The following GATA6 variants were observed in gnomAD, a reference collection of about 807,000 sequenced individuals.
GATA6 encodes the protein transcription factor GATA-6.
In GATA6, 11 loss-of-function variants were observed where a neutral mutation model predicts 48.1. That is an observed-to-expected ratio of 0.23 (90% CI 0.14 to 0.38). GATA6 has a LOEUF of 0.38. GATA6 is among the 10% of genes least tolerant of loss of function. The probability of loss-of-function intolerance (pLI) is 1.00; values close to 1 mark genes in which losing one functional copy is unlikely to be tolerated. For missense variants in GATA6, 795 were observed against 850.3 expected (o/e 0.93, Z 0.81); for synonymous variants, 419 against 396.1 (o/e 1.06, Z -0.69).
chr18:22,177,125 AGT>A lies in GATA6; in HGVS notation c.1302+8_1302+9del. 1 of 1,545,390 alleles carries A rather than the reference AGT, an allele frequency of 6.5e-7. No individual in the cohort carries two copies. The highest frequency in any genetic ancestry group is 8.7e-7 in the Non-Finnish European group (1 of 1,146,018). On this transcript the variant is annotated splice_donor_5th_base_variant and intron_variant, in intron 3 of 6. Transcript: ENST00000269216. ...CATCAAGCCGCAGAAGCGCGTGGTGAGTGTGACCCGCCCTGCCCCTGGCTCGC... is the reference window on the plus strand; with the variant it reads ...CATCAAGCCGCAGAAGCGCGTGGTGAGTGACCCGCCCTGCCCCTGGCTCGC...
rs2033196313 is a variant in GATA6 at position 22,181,575 on chromosome 18, T to C, written c.1425T>C (p.His475=). 1.9e-6 allele frequency: 3 copies of C among 1,614,188 alleles called. No individual in the cohort carries two copies. The highest frequency in any genetic ancestry group is 2.5e-6 in the Non-Finnish European group (3 of 1,180,010). The change falls in exon 4 of 7, where the codon CAT becomes CAC. Residue 475 remains histidine (H), a synonymous_variant. Transcript: ENST00000269216. Reference sequence around the variant, plus strand: ...CTTGTGGACTCTACATGAAACTCCATGGGGTATGCCATGTATTCTGCTCAC... The same window carrying C: ...CTTGTGGACTCTACATGAAACTCCACGGGGTATGCCATGTATTCTGCTCAC... The part of the protein sequence containing the change: ...CNACGLYMKL[H]GVPRPLAMKK...
rs560032230 is a variant in GATA6, at chr18:22,170,375, G to C, written c.-38+693G>C. Among the ~76,000 whole-genome samples the C allele has an allele frequency of 1.3e-5, 2 of 152,332 alleles. No individual in the cohort carries two copies. The highest frequency in any genetic ancestry group is 4.8e-5 in the African/African-American group (2 of 41,588). On this transcript the variant is annotated intron_variant, in intron 1 of 6. Coordinates refer to ENST00000269216, the MANE Select transcript of GATA6 (RefSeq NM_005257.6). The surrounding 1 kb of genome is among the most constrained non-coding windows in gnomAD (Gnocchi z 6.7). ...TGTCTAAGGTGTGCGGCGCCGCGGGGACGCCGGTGGGGCTGGCGATTCCCG... is the reference window on the plus strand; with the variant it reads ...TGTCTAAGGTGTGCGGCGCCGCGGGCACGCCGGTGGGGCTGGCGATTCCCG...
At chr18:22,176,663 T>TCCCCA (rs2033125104) in intron 2 of GATA6, 1 of 351,652 alleles carries the variant, frequency 2.8e-6, no homozygotes, top group Non-Finnish European at 5.2e-6. Context: ...CAAGCCGACC[T>TCCCCA]CCCCACCGCT....
At chr18:22,176,036 A>C (rs906790145) in intron 2 of GATA6, among the ~76,000 whole-genome samples, 1 of 152,158 alleles carries the variant, frequency 6.6e-6, no homozygotes, top group Non-Finnish European at 1.5e-5. Context: ...ATTTACTCTT[A>C]ATTAGGATTT....
rs1391973798 is a variant in GATA6, at chr18:22,201,532, AT to A, written c.*715del. On this transcript the variant is annotated 3_prime_UTR_variant, in exon 7 of 7. Transcript: ENST00000269216. ...AATCATTTGCATAAGATTTAACAGCATTTTTTATAATGAATGTAAACATTTT... is the reference window on the plus strand; with the variant it reads ...AATCATTTGCATAAGATTTAACAGCATTTTTATAATGAATGTAAACATTTT... The A allele has an allele frequency of 2.6e-5, 4 of 152,644 alleles. No individual in the cohort carries two copies. Among genetic ancestry groups the A allele is most frequent in the African/African-American group, 4.8e-5 (2 of 41,466 alleles). The allele number at this position is 152,644 out of a possible 1,614,324, so 9.5% of individuals were successfully genotyped here.
At position 22,171,681 on chromosome 18, in the gene GATA6, C is replaced by CGCG. The variant is rs762101807; in HGVS notation, c.546_548dup (p.Ala183dup). ...ACTCTGCGGCCGCGGCGGCAGCAGCCGCGGCGGCGGCCAGCTCCCCGGTCT... is the reference window on the plus strand; with the variant it reads ...ACTCTGCGGCCGCGGCGGCAGCAGCCGCGGCGGCGGCGGCCAGCTCCCCGGTCT... On this transcript the variant is annotated inframe_insertion, in exon 2 of 7. Coordinates refer to ENST00000269216, the MANE Select transcript of GATA6 (RefSeq NM_005257.6). The surrounding 1 kb of genome is among the most constrained non-coding windows in gnomAD (Gnocchi z 7.1). 9 of 1,497,386 alleles carry CGCG rather than the reference C, an allele frequency of 6.0e-6. No individual in the cohort carries two copies. In the African/African-American group the frequency reaches 1.2e-4, roughly 20 times the overall value. The allele number at this position is 1,497,386 out of a possible 1,614,324, so 92.8% of individuals were successfully genotyped here.
In GATA6 at chr18:22,201,866, T is replaced by C. The variant is rs1435981158; in HGVS notation, c.*1043T>C. The C allele has an allele frequency of 6.6e-6, 1 of 152,634 alleles. No individual in the cohort carries two copies. The highest frequency in any genetic ancestry group is 1.5e-5 in the Non-Finnish European group (1 of 68,044). The allele number at this position is 152,634 out of a possible 1,614,324, so 9.5% of individuals were successfully genotyped here. A position where few individuals can be genotyped will look rare whatever the true frequency, so the allele number is the denominator to read the frequency against. On this transcript the variant is annotated 3_prime_UTR_variant, in exon 7 of 7. Transcript: ENST00000269216. ...ACACTCTGATGAAGTCTGTATAGTG[T>C]GACTAACCCACAGGCAGGTTGGTTT...
In GATA6 at chr18:22,170,867, G is replaced by T; in HGVS notation, c.-37-241G>T. On this transcript the variant is annotated intron_variant, in intron 1 of 6. Coordinates refer to ENST00000269216, the MANE Select transcript of GATA6 (RefSeq NM_005257.6). The surrounding 1 kb of genome is among the most constrained non-coding windows in gnomAD (Gnocchi z 6.7). ...CGGGGACCGGAGCGGTGCCTTTGAG[G>T]GAGGGCTGGTATCCCAGCCCTTCCA... 1.9e-6 allele frequency: 1 copy of T among 532,954 alleles called. No homozygotes were observed. The highest frequency in any genetic ancestry group is 3.3e-6 in the Non-Finnish European group (1 of 299,434). 33.0% of individuals were successfully genotyped at this position (532,954 alleles called of 1,614,324 possible).
At chr18:22,200,492 G>T in intron 6 of GATA6, 164 bp from the exon 7 acceptor site, 1 of 856,844 alleles carries the variant, frequency 1.2e-6, no homozygotes, top group Non-Finnish European at 2.0e-6. Context: ...GCTGGGGGCA[G>T]GGGATAGTAA....
At chr18:22,191,051 G>A (rs1366557327) in intron 6 of GATA6, among the ~76,000 whole-genome samples, 3 of 149,492 alleles carry the variant, frequency 2.0e-5, no homozygotes, top group Non-Finnish European at 4.4e-5. Context: ...GTGTGTGTGT[G>A]TGTGTGTGTG....
In GATA6 at chr18:22,181,464, G is replaced by A. The variant is rs747300699; in HGVS notation, c.1314G>A (p.Arg438=). 6.2e-7 allele frequency: 1 copy of A among 1,614,088 alleles called. No individual in the cohort carries two copies. The highest frequency in any genetic ancestry group is 2.2e-5 in the East Asian group (1 of 44,874). Residue 438 remains arginine, a synonymous_variant, in exon 4 of 7, where the codon CGG becomes CGA. Coordinates refer to ENST00000269216, the MANE Select transcript of GATA6 (RefSeq NM_005257.6). ...IKPQKRVPSS[R]RLGLSCANCH... ...TGTACTGTTTCTAGCCTTCATCACGGCGGCTTGGATTGTCCTGTGCCAACT... is the reference window on the plus strand; with the variant it reads ...TGTACTGTTTCTAGCCTTCATCACGACGGCTTGGATTGTCCTGTGCCAACT...
rs1263186299 is a variant in GATA6, at chr18:22,188,707, A to T, written c.1620+5664A>T. On this transcript the variant is annotated intron_variant, in intron 6 of 6. Transcript: ENST00000269216. The stretch of plus-strand genomic sequence containing the variant: ...GGAGCGTTCTGTATTTTGATAATTG[A>T]TGTAAACAAATGTAGCATGCTCCTG... Among the ~76,000 whole-genome samples the T allele has an allele frequency of 2.0e-5, 3 of 152,300 alleles. No individual in the cohort carries two copies. In the South Asian group the frequency reaches 6.2e-4, roughly 32 times the overall value.
At chr18:22,182,274 A>G (rs2033206796) in intron 4 of GATA6, among the ~76,000 whole-genome samples, 1 of 151,956 alleles carries the variant, frequency 6.6e-6, no homozygotes, top group Non-Finnish European at 1.5e-5. Flanking sequence ...TCTGCATTTG[A>G]TGAGGAAAGT....
At chr18:22,200,297 G>C (rs570680440) in intron 6 of GATA6, among the ~76,000 whole-genome samples, 3 of 152,190 alleles carry the variant, frequency 2.0e-5, no homozygotes, top group Non-Finnish European at 4.4e-5. Flanking sequence ...AGTGAGGTTT[G>C]TTTCACAGTC....
intron 4 of GATA6, 57 bp downstream of exon 4, chr18:22,181,635 T>A: frequency 6.3e-7 from 1 of 1,595,214 alleles, no homozygotes; most frequent in Non-Finnish European, 8.6e-7. Flanking sequence ...TTGTATGTGA[T>A]ATCAGTTACA....
intron 6 of GATA6, among the ~76,000 whole-genome samples, chr18:22,199,981 C>T (rs1598743371): frequency 1.3e-5 from 2 of 149,904 alleles, no homozygotes; most frequent in South Asian, 2.1e-4. Context: ...TTCTTTATAA[C>T]GTGGTCTGCT....
Position 22,171,729 on chromosome 18 carries a change from T to C in GATA6, c.585T>C (p.Gly195=). Residue 195 remains glycine, a synonymous_variant, in exon 2 of 7, where the codon GGT becomes GGC. Coordinates refer to ENST00000269216, the MANE Select transcript of GATA6 (RefSeq NM_005257.6). This position sits in a 1 kb window ranked among gnomAD's most constrained non-coding sequence, Gnocchi z 7.1. ...SPVYVPTTRV[G]SMLPGLPYHL... Reference sequence around the variant, plus strand: ...TCTACGTGCCCACCACCCGCGTGGGTTCCATGCTGCCCGGCCTACCGTACC... The same window carrying C: ...TCTACGTGCCCACCACCCGCGTGGGCTCCATGCTGCCCGGCCTACCGTACC... 6.8e-7 allele frequency: 1 copy of C among 1,480,304 alleles called. No homozygotes were observed. The highest frequency in any genetic ancestry group is 2.8e-5 in the East Asian group (1 of 36,058). 91.7% of individuals were successfully genotyped at this position (1,480,304 alleles called of 1,614,324 possible).
At chr18:22,188,310 A>G (rs932301808) in intron 6 of GATA6, among the ~76,000 whole-genome samples, 25 of 152,214 alleles carry the variant, frequency 1.6e-4, no homozygotes, top group African/African-American at 5.8e-4. Context: ...AGAGACAGGT[A>G]TAGATGTAGA....
chr18:22,171,069 C>T lies in GATA6; in HGVS notation c.-37-39C>T. 7.6e-7 allele frequency: 1 copy of T among 1,307,860 alleles called. No homozygotes were observed. Among genetic ancestry groups the T allele is most frequent in the Non-Finnish European group, 1.1e-6 (1 of 925,848 alleles). The allele number at this position is 1,307,860 out of a possible 1,614,324, so 81.0% of individuals were successfully genotyped here. A position where few individuals can be genotyped will look rare whatever the true frequency, so the allele number is the denominator to read the frequency against. On this transcript the variant is annotated intron_variant, in intron 1 of 6. Coordinates refer to ENST00000269216, the MANE Select transcript of GATA6 (RefSeq NM_005257.6). The surrounding 1 kb of genome is among the most constrained non-coding windows in gnomAD (Gnocchi z 7.1). Reference sequence around the variant, plus strand: ...GCAGCCTACGCTCTTGTTAACCCGTCGATCTCCTACCATACCCGTCTCCCC... The same window carrying T: ...GCAGCCTACGCTCTTGTTAACCCGTTGATCTCCTACCATACCCGTCTCCCC...
Sources: gnomAD v4.1 joint callset for allele counts (sites outside exome capture counted in the v4.1 genomes callset) on GRCh38, gnomAD v4.1.1 for gene constraint, Gnocchi (gnomAD v3.1) non-coding constraint, MANE v1.5 for transcripts, NCBI Gene and HGNC (gene_info 2026-07-23, HGNC 2026-07-21) for gene names.